Variants in ARHGAP8 observed in about 807,000 individuals in gnomAD.
ARHGAP8 encodes the protein rho GTPase-activating protein 8.
ARHGAP8 carries 62 observed loss-of-function variants against 46.1 expected under a neutral mutation model. That is an observed-to-expected ratio of 1.34 (90% CI 1.10 to 1.66). The LOEUF (loss-of-function observed/expected upper bound fraction) is 1.66, where lower values mean the gene tolerates loss of function less well. Among genes scored for constraint, ARHGAP8 ranks in the 40% most tolerant of loss-of-function variants. ARHGAP8 has a pLI of 0.00. For synonymous variants in ARHGAP8, 375 were observed against 243.1 expected (o/e 1.54, Z -5.05); for missense variants, 923 against 568.4 (o/e 1.62, Z -6.34).
intron 8 of ARHGAP8, among the ~76,000 whole-genome samples, chr22:44,846,271 C>G (rs1327015031): frequency 6.6e-6 from 1 of 152,228 alleles, no homozygotes; most frequent in African/African-American, 2.4e-5. Flanking sequence ...CAGCCCTGCA[C>G]CTTTCTGGTT....
At chr22:44,783,693 A>T (rs1927012237) in intron 1 of ARHGAP8, among the ~76,000 whole-genome samples, 1 of 152,214 alleles carries the variant, frequency 6.6e-6, no homozygotes. Context: ...TCAGCGGCAC[A>T]AATAGCACAG....
intron 2 of ARHGAP8, among the ~76,000 whole-genome samples, chr22:44,787,037 C>CAAAAAAAAAAAAAAAAA (rs57241720): frequency 8.4e-6 from 1 of 119,118 alleles, no homozygotes; most frequent in African/African-American, 3.1e-5. Context: ...CTCAAAAAAA[C>CAAAAAAAAAAAAAAAAA]AAAAAAAAAA....
At chr22:44,822,702 T>C (rs113694455) in intron 6 of ARHGAP8, among the ~76,000 whole-genome samples, 80 of 152,328 alleles carry the variant, frequency 5.3e-4, no homozygotes, top group African/African-American at 1.9e-3. Context: ...TCGCCCACCA[T>C]TGCAAAACTG....
intron 10 of ARHGAP8, among the ~76,000 whole-genome samples, chr22:44,858,046 G>A (rs4823400): frequency 0.055 from 8,404 of 152,248 alleles, 589 homozygotes; most frequent in East Asian, 0.38. Flanking sequence ...CACCTGGCTC[G>A]GTTGAAATAC....
chr22:44,763,568 G>T (rs562489399), intron 1 of ARHGAP8, among the ~76,000 whole-genome samples: 70 of 150,500 alleles, frequency 4.7e-4, no homozygotes, highest in African/African-American at 1.7e-3. Flanking sequence ...AAAAATGAAC[G>T]CATTAAAGAT....
At chr22:44,844,184 C>G (rs1229143579) in intron 7 of ARHGAP8, among the ~76,000 whole-genome samples, 1 of 152,102 alleles carries the variant, frequency 6.6e-6, no homozygotes, top group Non-Finnish European at 1.5e-5. Flanking sequence ...GTTGGCCAGG[C>G]TAGGCTTGAA....
At chr22:44,762,441 C>CA (rs55704104) in intron 1 of ARHGAP8, among the ~76,000 whole-genome samples, 43,020 of 149,906 alleles carry the variant, frequency 0.29, 6,461 homozygotes, top group East Asian at 0.51. Context: ...ATCTCTAAAA[C>CA]AAAAAAAAAT....
chr22:44,782,702 C>T (rs926681376), intron 1 of ARHGAP8, among the ~76,000 whole-genome samples: 1 of 152,210 alleles, frequency 6.6e-6, no homozygotes, highest in South Asian at 2.1e-4. Context: ...TAATATTTCA[C>T]CATATGGCTG....
chr22:44,827,350 T>G (rs1403370014), intron 7 of ARHGAP8, among the ~76,000 whole-genome samples: 1 of 130,010 alleles, frequency 7.7e-6, no homozygotes, highest in East Asian at 2.3e-4. Flanking sequence ...TTTTTTTTTT[T>G]TTTTTTTTTT....
chr22:44,814,324 A>G (rs1929576009), intron 4 of ARHGAP8, among the ~76,000 whole-genome samples: 1 of 152,144 alleles, frequency 6.6e-6, no homozygotes, highest in Non-Finnish European at 1.5e-5. Flanking sequence ...GTGTTGGCCA[A>G]GAGGCTCTGT....
rs77929063 is a variant in ARHGAP8, at chr22:44,839,249, C to G, written c.597-6020C>G. ...GGGGGCCAGGTCCGTATTCCTGCAA[C>G]AGCAGGACCTCCTGAAGGTCACGCC... On this transcript the variant is annotated intron_variant, in intron 7 of 11. Coordinates refer to ENST00000356099, the MANE Select transcript of ARHGAP8 (RefSeq NM_181335.3). Among the ~76,000 whole-genome samples, 64 of 152,280 alleles carry G rather than the reference C, an allele frequency of 4.2e-4. 2 individuals carry two copies. In the East Asian group the frequency reaches 0.011, roughly 26 times the overall value.
At chr22:44,783,699 C>T (rs956754553) in intron 1 of ARHGAP8, among the ~76,000 whole-genome samples, 1 of 152,224 alleles carries the variant, frequency 6.6e-6, no homozygotes, top group Non-Finnish European at 1.5e-5. Flanking sequence ...GCACAAATAG[C>T]ACAGAGACCT....
In ARHGAP8 at chr22:44,860,574, T is replaced by C. The variant is rs2070427087; in HGVS notation, c.981+740T>C. On this transcript the variant is annotated intron_variant, in intron 11 of 11. Transcript: ENST00000356099. ...TCAACGACAGCTGCAACGGCCCTCG[T>C]TCCAAATAAGGTCACAGTCAGATTC... Among the ~76,000 whole-genome samples, 6 of 151,942 alleles carry C rather than the reference T, an allele frequency of 3.9e-5. No individual in the cohort carries two copies. In the South Asian group the frequency reaches 1.0e-3, roughly 26 times the overall value.
chr22:44,781,081 G>C (rs765621347), intron 1 of ARHGAP8, among the ~76,000 whole-genome samples: 1 of 152,158 alleles, frequency 6.6e-6, no homozygotes, highest in Non-Finnish European at 1.5e-5. Context: ...GTGCGCTGCC[G>C]GCGGCTGCCG....
intron 2 of ARHGAP8, 148 bp downstream of exon 2, chr22:44,786,754 C>T: frequency 1.6e-6 from 2 of 1,248,658 alleles, no homozygotes; most frequent in Non-Finnish European, 2.2e-6. Flanking sequence ...GTGGCTCATA[C>T]CTTTAATCCT....
chr22:44,761,081 A>G (rs1925095952), intron 1 of ARHGAP8, among the ~76,000 whole-genome samples: 1 of 152,234 alleles, frequency 6.6e-6, no homozygotes, highest in Non-Finnish European at 1.5e-5. Flanking sequence ...ACCTGCATGT[A>G]CCAGGCCCTG....
intron 3 of ARHGAP8, among the ~76,000 whole-genome samples, chr22:44,807,564 CGGCAAG>C (rs1193201914): frequency 6.6e-6 from 1 of 152,178 alleles, no homozygotes; most frequent in Non-Finnish European, 1.5e-5. Context: ...TGGGGGTCAA[CGGCAAG>C]GGCTGAGCAG....
chr22:44,780,519 G>A (rs543770086), intron 1 of ARHGAP8, among the ~76,000 whole-genome samples: 10 of 151,066 alleles, frequency 6.6e-5, no homozygotes, highest in Admixed American at 1.3e-4. Flanking sequence ...AAAATTAGCC[G>A]GACATGGTGG....
intron 1 of ARHGAP8, among the ~76,000 whole-genome samples, chr22:44,772,600 T>C (rs948453404): frequency 3.3e-5 from 5 of 152,020 alleles, no homozygotes; most frequent in African/African-American, 1.2e-4. Context: ...TTTGTTAAGA[T>C]TGTTTATGTC....
Sources: gnomAD v4.1 joint callset for allele counts (sites outside exome capture counted in the v4.1 genomes callset) on GRCh38, gnomAD v4.1.1 for gene constraint, MANE v1.5 for transcripts, NCBI Gene and HGNC (gene_info 2026-07-23, HGNC 2026-07-21) for gene names.